ABCD2: variants seen among roughly 807,000 people sequenced by gnomAD.
The protein encoded by ABCD2 is ATP-binding cassette sub-family D member 2.
Under a neutral mutation model 70.9 loss-of-function variants are expected in ABCD2, and 36 were observed. The observed-to-expected ratio is 0.51, with a 90% CI of 0.39 to 0.67. ABCD2 has a LOEUF of 0.67. Among genes scored for constraint, ABCD2 ranks in the 30% least tolerant of loss-of-function variants. The pLI is 0.00. For synonymous variants in ABCD2, 304 were observed against 306.9 expected (o/e 0.99, Z 0.10); for missense variants, 729 against 890.2 (o/e 0.82, Z 2.30).
intron 6 of ABCD2, among the ~76,000 whole-genome samples, chr12:39,587,162 T>A (rs1433595400): frequency 1.3e-5 from 2 of 152,060 alleles, no homozygotes; most frequent in African/African-American, 4.8e-5. Flanking sequence ...AAATACAACA[T>A]AAATACCCAT....
chr12:39,616,888 A>T (rs1942122517), intron 2 of ABCD2, 100 bp downstream of exon 2: 5 of 1,070,044 alleles, frequency 4.7e-6, no homozygotes, highest in Admixed American at 2.7e-5. Context: ...TAACTAGAAT[A>T]TGACCATGTA....
At chr12:39,590,025 G>A (rs1299738943) in intron 6 of ABCD2, among the ~76,000 whole-genome samples, 1 of 152,006 alleles carries the variant, frequency 6.6e-6, no homozygotes, top group Non-Finnish European at 1.5e-5. Context: ...AAGAAAATTC[G>A]GGATGACATT....
At chr12:39,600,798 A>T (rs1044206667) in intron 5 of ABCD2, 82 bp from the exon 6 acceptor site, 30 of 1,278,646 alleles carry the variant, frequency 2.3e-5, no homozygotes, top group African/African-American at 3.1e-5. Context: ...TTATTTTTTT[A>T]AAATGTTCGA....
At chr12:39,587,060 C>T (rs560469690) in intron 6 of ABCD2, among the ~76,000 whole-genome samples, 3 of 152,274 alleles carry the variant, frequency 2.0e-5, no homozygotes, top group South Asian at 2.1e-4. Context: ...TGACCTCCTT[C>T]TGGGAATTCA....
chr12:39,561,391 C>CA (rs529908093), intron 9 of ABCD2, among the ~76,000 whole-genome samples: 15,626 of 74,188 alleles, frequency 0.21, 2,120 homozygotes, highest in African/African-American at 0.43. Flanking sequence ...GACTCTGTCT[C>CA]AAAAAAAAAA....
At chr12:39,586,341 A>T in intron 6 of ABCD2, 44 bp from the exon 7 acceptor site, 1 of 1,584,180 alleles carries the variant, frequency 6.3e-7, no homozygotes, top group Non-Finnish European at 8.6e-7. Context: ...GAAAGTCATG[A>T]TAACTTACTC....
chr12:39,619,070 G>A lies in ABCD2; in HGVS notation c.546C>T (p.His182=), dbSNP rs35217341. The change falls in exon 1 of 10, where the codon CAC becomes CAT. Residue 182 remains histidine (H), a synonymous_variant. Transcript: ENST00000308666. ...ALAFRTRLVD[H]AYETYFTNQT... Reference sequence around the variant, plus strand: ...GATTTGTAAAATAGGTTTCATAGGCGTGGTCTACTAGGCGAGTTCTGAAGG... The same window carrying A: ...GATTTGTAAAATAGGTTTCATAGGCATGGTCTACTAGGCGAGTTCTGAAGG... The A allele has an allele frequency of 1.5e-4, 237 of 1,614,166 alleles. No homozygotes were observed. In the African/African-American group the frequency reaches 2.6e-3, roughly 17 times the overall value.
the ABCD2 span, among the ~76,000 whole-genome samples, chr12:39,541,779 A>G: frequency 2.6e-5 from 4 of 152,226 alleles, no homozygotes; most frequent in African/African-American, 9.6e-5. Context: ...GAGTGAATAA[A>G]TACATTGTGC....
intron 6 of ABCD2, among the ~76,000 whole-genome samples, chr12:39,594,902 A>T (rs1050764134): frequency 7.2e-5 from 11 of 152,126 alleles, no homozygotes; most frequent in African/African-American, 2.4e-4. Flanking sequence ...TGAGGCCAGG[A>T]GTTCAAGATT....
chr12:39,565,826 T>A (rs561855085), intron 9 of ABCD2, among the ~76,000 whole-genome samples: 1 of 152,052 alleles, frequency 6.6e-6, no homozygotes, highest in Non-Finnish European at 1.5e-5. Flanking sequence ...TTATTGAGAG[T>A]TTTTAGCATG....
Position 39,579,617 on chromosome 12 carries a change from A to G in ABCD2, c.1795T>C (p.Trp599Arg). 6.2e-7 allele frequency: 1 copy of G among 1,600,842 alleles called. No homozygotes were observed. Among genetic ancestry groups the G allele is most frequent in the Non-Finnish European group, 8.5e-7 (1 of 1,172,804 alleles). The change falls in exon 8 of 10, where the codon TGG becomes CGG. Residue 599 changes from tryptophan to arginine, a missense_variant and splice_region_variant. Trp to Arg is a moderately radical substitution (Grantham distance 101, BLOSUM62 -3). This residue lies in a region of ABCD2 where 289 missense variants were observed against 328.8 expected (regional missense o/e 0.88). Transcript: ENST00000308666. ...LYHIVQREGGWDAVMDWKDVL... is the reference protein window; with the variant it reads ...LYHIVQREGGRDAVMDWKDVL... ...TCTTTCCAGTCCATAACAGCATCCC[A>G]TCCTTAAGAAAATAAAAAAATATAC... is the stretch of plus-strand genomic sequence containing the variant.
chr12:39,604,058 A>G, intron 4 of ABCD2, 52 bp from the exon 5 acceptor site: 2 of 1,257,390 alleles, frequency 1.6e-6, no homozygotes, highest in Non-Finnish European at 2.3e-6. Flanking sequence ...GTTTCTGATT[A>G]AATAACGTAA....
intron 9 of ABCD2, among the ~76,000 whole-genome samples, chr12:39,559,336 C>G (rs1941217054): frequency 7.3e-6 from 1 of 137,200 alleles, no homozygotes; most frequent in South Asian, 2.4e-4. Context: ...AAGATCACAC[C>G]ATTGCACTCC....
chr12:39,603,739 T>A (rs1941931937), intron 5 of ABCD2, among the ~76,000 whole-genome samples, 173 bp downstream of exon 5: 1 of 152,098 alleles, frequency 6.6e-6, no homozygotes, highest in Non-Finnish European at 1.5e-5. Flanking sequence ...ATTTCTCTTT[T>A]CTCTCTGCTT....
intron 9 of ABCD2, among the ~76,000 whole-genome samples, chr12:39,562,246 T>C (rs953719380): frequency 2.0e-5 from 3 of 151,640 alleles, no homozygotes; most frequent in Admixed American, 1.3e-4. Flanking sequence ...AGATTAAAAA[T>C]GTCAAATAAA....
chr12:39,610,619 T>C (rs1172302090), intron 2 of ABCD2, among the ~76,000 whole-genome samples: 1 of 152,186 alleles, frequency 6.6e-6, no homozygotes, highest in Non-Finnish European at 1.5e-5. Flanking sequence ...GGGATTCAAA[T>C]AGTAGTTTTC....
intron 6 of ABCD2, among the ~76,000 whole-genome samples, chr12:39,587,260 A>G (rs1336708910): frequency 1.3e-5 from 2 of 152,228 alleles, no homozygotes; most frequent in Non-Finnish European, 2.9e-5. Context: ...ACTGATATAG[A>G]GTGATTTCCA....
intron 9 of ABCD2, among the ~76,000 whole-genome samples, chr12:39,556,332 C>T (rs550710404): frequency 6.6e-6 from 1 of 152,222 alleles, no homozygotes; most frequent in South Asian, 2.1e-4. Context: ...GAATTGTAAT[C>T]CCCATAAGCC....
At chr12:39,578,046 C>A (rs1267889021) in intron 8 of ABCD2, among the ~76,000 whole-genome samples, 1 of 152,190 alleles carries the variant, frequency 6.6e-6, no homozygotes, top group Admixed American at 6.5e-5. Context: ...ACATACTTGA[C>A]ATAATTTTTA....
Sources: gnomAD v4.1 joint callset for allele counts (sites outside exome capture counted in the v4.1 genomes callset) on GRCh38, gnomAD v4.1.1 for gene constraint, gnomAD v4.1.1 regional missense constraint, MANE v1.5 for transcripts, NCBI Gene and HGNC (gene_info 2026-07-23, HGNC 2026-07-21) for gene names.